Variants in ARHGEF9 observed in about 807,000 individuals in gnomAD.
The protein encoded by ARHGEF9 is rho guanine nucleotide exchange factor 9.
A neutral mutation model predicts 41.3 loss-of-function variants in ARHGEF9; 2 were observed. The observed-to-expected ratio is 0.05, with a 90% confidence interval of 0.02 to 0.15. ARHGEF9 has a LOEUF of 0.15. Among genes scored for constraint, ARHGEF9 ranks in the 10% least tolerant of loss-of-function variants. ARHGEF9 has a pLI of 1.00. For missense variants in ARHGEF9, 225 were observed against 424.7 expected, an observed-to-expected ratio of 0.53 and a Z score of 4.13; for synonymous variants, 160 against 154.4, an observed-to-expected ratio of 1.04 and a Z score of -0.27.
intron 3 of ARHGEF9, among the ~76,000 whole-genome samples, chrX:63,705,146 T>C (rs1488311958): frequency 8.9e-6 from 1 of 112,208 alleles, no homozygotes; most frequent in Non-Finnish European, 1.9e-5. Context: ...AATGCAGACA[T>C]GGAACATTTT....
chrX:63,647,838 T>C (rs1265349204), intron 8 of ARHGEF9, among the ~76,000 whole-genome samples: 1 of 111,345 alleles, frequency 9.0e-6, no homozygotes, highest in African/African-American at 3.3e-5. Flanking sequence ...CTGGTAGAAT[T>C]TGGCTGTGAA....
At chrX:63,743,854 G>A (rs5965620) in intron 1 of ARHGEF9, among the ~76,000 whole-genome samples, 28,687 of 111,416 alleles carry the variant, frequency 0.26, 7,808 homozygotes, top group African/African-American at 0.83. Context: ...TCATAGCAGC[G>A]AGTGTGTGAC....
intron 1 of ARHGEF9, among the ~76,000 whole-genome samples, chrX:63,725,906 C>A (rs1302075578): frequency 8.9e-6 from 1 of 112,656 alleles, no homozygotes; most frequent in Non-Finnish European, 1.9e-5. Flanking sequence ...AAGACCAAAA[C>A]TAAAACAACT....
At chrX:63,707,845 G>A (rs1421546200) in intron 2 of ARHGEF9, among the ~76,000 whole-genome samples, 20 of 111,437 alleles carry the variant, frequency 1.8e-4, no homozygotes, top group South Asian at 3.8e-4. Context: ...AGGTGAGGGG[G>A]CATGATTACC....
At chrX:63,777,773 A>G (rs1300946623) in intron 1 of ARHGEF9, among the ~76,000 whole-genome samples, 3 of 112,529 alleles carry the variant, frequency 2.7e-5, no homozygotes, top group African/African-American at 9.7e-5. Context: ...CAAATCTTAA[A>G]GCTCCAAAAT....
chrX:63,775,476 C>G (rs1214636268), intron 1 of ARHGEF9, among the ~76,000 whole-genome samples: 5 of 112,339 alleles, frequency 4.5e-5, no homozygotes, highest in African/African-American at 1.6e-4. Context: ...ACATATACAC[C>G]ATGGAATACT....
At position 63,754,955 on chromosome X, in the gene ARHGEF9, C is replaced by G; in HGVS notation, c.30+30161G>C. ...GTTCTCCGGCGCCTGCTCAGTCTGT[C>G]CGGGCGTGCGTCCGTCCGCCTGCCT... On this transcript the variant is annotated intron_variant, in intron 1 of 9. Transcript: ENST00000671741. The G allele has an allele frequency of 3.2e-6, 3 of 939,205 alleles. No individual in the cohort carries two copies. The South Asian group carries it at 1.8e-4, about 55-fold the overall frequency. The allele number at this position is 939,205 out of a possible 1,213,427, so 77.4% of individuals were successfully genotyped here. A position where few individuals can be genotyped will look rare whatever the true frequency, so the allele number is the denominator to read the frequency against.
chrX:63,681,188 C>T (rs1602374302), intron 4 of ARHGEF9, among the ~76,000 whole-genome samples: 2 of 111,543 alleles, frequency 1.8e-5, no homozygotes, highest in Non-Finnish European at 3.8e-5. Context: ...AGTGACCCAG[C>T]ACAGCTACCA....
chrX:63,697,011 A>G, intron 4 of ARHGEF9, 114 bp downstream of exon 4: 1 of 811,701 alleles, frequency 1.2e-6, no homozygotes, highest in Non-Finnish European at 1.7e-6. Context: ...GCCCAAGAGG[A>G]ACCCATTCCC....
At chrX:63,698,141 C>CAT (rs781891388) in intron 3 of ARHGEF9, among the ~76,000 whole-genome samples, 91 of 103,895 alleles carry the variant, frequency 8.8e-4, no homozygotes, top group South Asian at 3.2e-3. Flanking sequence ...ATAAATATAT[C>CAT]ATATATATAT....
intron 1 of ARHGEF9, among the ~76,000 whole-genome samples, chrX:63,750,591 G>C (rs1270388186): frequency 1.8e-5 from 2 of 111,856 alleles, no homozygotes; most frequent in African/African-American, 6.5e-5. Flanking sequence ...TCTGACAGAT[G>C]GAGGCTGTCT....
At chrX:63,665,758 C>T in intron 7 of ARHGEF9, 128 bp downstream of exon 7, 5 of 887,705 alleles carry the variant, frequency 5.6e-6, no homozygotes, top group Non-Finnish European at 8.0e-6. Context: ...GAATTGCTGC[C>T]AATCTCCTGT....
At chrX:63,741,054 T>A (rs1329032399) in intron 1 of ARHGEF9, among the ~76,000 whole-genome samples, 1 of 112,711 alleles carries the variant, frequency 8.9e-6, no homozygotes, top group Non-Finnish European at 1.9e-5. Flanking sequence ...ATCTTTGCTC[T>A]AGTCCAGACT....
intron 6 of ARHGEF9, among the ~76,000 whole-genome samples, chrX:63,672,981 A>C: frequency 8.9e-6 from 1 of 112,116 alleles, no homozygotes; most frequent in Non-Finnish European, 1.9e-5. Flanking sequence ...TGCAAATCAA[A>C]GTGCTGTTCT....
chrX:63,647,626 G>A (rs1490490937), intron 8 of ARHGEF9, among the ~76,000 whole-genome samples: 3 of 111,211 alleles, frequency 2.7e-5, no homozygotes, highest in Admixed American at 9.6e-5. Flanking sequence ...TGCTGGATTC[G>A]GTTTGCCAGT....
intron 8 of ARHGEF9, among the ~76,000 whole-genome samples, chrX:63,648,453 C>A (rs1490506505): frequency 9.0e-6 from 1 of 111,341 alleles, no homozygotes; most frequent in Non-Finnish European, 1.9e-5. Flanking sequence ...GAAGGAAGCA[C>A]TAAACACAGA....
chrX:63,680,853 AAAAC>A (rs200869122), intron 4 of ARHGEF9, among the ~76,000 whole-genome samples: 114 of 110,670 alleles, frequency 1.0e-3, no homozygotes, highest in East Asian at 8.8e-3. Context: ...TTTAGGAGAA[AAAAC>A]AAACAAACAA....
intron 8 of ARHGEF9, among the ~76,000 whole-genome samples, chrX:63,649,766 T>C (rs1217927326): frequency 1.8e-5 from 2 of 111,263 alleles, no homozygotes; most frequent in Admixed American, 1.9e-4. Context: ...ATATCACCAC[T>C]GATCCCACAG....
At chrX:63,670,201 T>C (rs1433246589) in intron 6 of ARHGEF9, 1 of 111,610 alleles carries the variant, frequency 9.0e-6, no homozygotes, top group Non-Finnish European at 1.9e-5. Context: ...TGCCATACTT[T>C]TTAACTAGTT....
Sources: gnomAD v4.1 joint callset for allele counts (sites outside exome capture counted in the v4.1 genomes callset) on GRCh38, gnomAD v4.1.1 for gene constraint, MANE v1.5 for transcripts, NCBI Gene and HGNC (gene_info 2026-07-23, HGNC 2026-07-21) for gene names.